Variants in RAMP1 observed in about 807,000 individuals in gnomAD.
RAMP1 encodes receptor activity-modifying protein 1.
RAMP1 carries 7 observed loss-of-function variants against 8.2 expected under a neutral mutation model. That is an observed-to-expected ratio of 0.85 (90% CI 0.49 to 1.60). The LOEUF (loss-of-function observed/expected upper bound fraction) is 1.60, where lower values mean the gene tolerates loss of function less well. Among genes scored for constraint, RAMP1 ranks in the 40% most tolerant of loss-of-function variants. The pLI is 0.00. For synonymous variants in RAMP1, 92 were observed against 84.7 expected, an observed-to-expected ratio of 1.09 and a Z score of -0.47; for missense variants, 192 against 202.4, an observed-to-expected ratio of 0.95 and a Z score of 0.31.
intron 1 of RAMP1, among the ~76,000 whole-genome samples, chr2:237,866,907 T>C (rs1212928961): frequency 6.6e-6 from 1 of 152,054 alleles, no homozygotes; most frequent in East Asian, 1.9e-4. Flanking sequence ...TTTTGTATTT[T>C]TGGTAGAGAC....
chr2:237,868,572 C>G (rs1019545122), intron 1 of RAMP1, among the ~76,000 whole-genome samples: 14 of 134,176 alleles, frequency 1.0e-4, no homozygotes, highest in Admixed American at 3.7e-4. Flanking sequence ...ATTCCCTCCC[C>G]CCACCAAAAA....
At chr2:237,893,279 C>T (rs1324942313) in intron 2 of RAMP1, among the ~76,000 whole-genome samples, 1 of 152,124 alleles carries the variant, frequency 6.6e-6, no homozygotes. Context: ...AAAATCTGAC[C>T]TCCTCCTTCC....
intron 2 of RAMP1, among the ~76,000 whole-genome samples, chr2:237,910,133 T>C (rs10206848): frequency 0.97 from 146,924 of 152,224 alleles, 70,939 homozygotes; most frequent in East Asian, 1. Context: ...GGGTCACACG[T>C]ACCCGGTCAC....
At chr2:237,902,670 A>G (rs11680171) in intron 2 of RAMP1, among the ~76,000 whole-genome samples, 56,007 of 151,816 alleles carry the variant, frequency 0.37, 10,699 homozygotes, top group South Asian at 0.5. Context: ...CGCCTCCCCC[A>G]TGAGCCGCTG....
chr2:237,895,406 C>T (rs1020015792), intron 2 of RAMP1, among the ~76,000 whole-genome samples: 23 of 152,128 alleles, frequency 1.5e-4, no homozygotes, highest in Admixed American at 1.3e-4. Flanking sequence ...ACCGAGGCTC[C>T]GTAACTGCCA....
chr2:237,877,464 G>GA lies in RAMP1; in HGVS notation c.191+103dup. On this transcript the variant is annotated intron_variant, in intron 2 of 2. Transcript: ENST00000254661. This position sits in a 1 kb window ranked among gnomAD's most constrained non-coding sequence, Gnocchi z 4.4. ...TGGGAGCTGTGGAAGATCCTTTCTA[G>GA]ACCCCGGAAGGGTTCTTCCCCCAGT... The GA allele has an allele frequency of 1.4e-6, 2 of 1,458,482 alleles. No individual in the cohort carries two copies. Among genetic ancestry groups the GA allele is most frequent in the Non-Finnish European group, 1.8e-6 (2 of 1,093,462 alleles). 90.3% of individuals were successfully genotyped at this position (1,458,482 alleles called of 1,614,324 possible).
intron 2 of RAMP1, among the ~76,000 whole-genome samples, chr2:237,900,320 C>A (rs2062584869): frequency 6.6e-6 from 1 of 152,134 alleles, no homozygotes; most frequent in Admixed American, 6.5e-5. Context: ...GCCACCATGC[C>A]TGGCTAATTT....
intron 1 of RAMP1, among the ~76,000 whole-genome samples, chr2:237,873,945 G>A (rs1043571949): frequency 5.3e-5 from 8 of 152,218 alleles, no homozygotes; most frequent in South Asian, 2.1e-4. Context: ...CCCATAGGGC[G>A]GGAAAGAAAG....
chr2:237,906,717 C>T (rs1399223280), intron 2 of RAMP1, among the ~76,000 whole-genome samples: 3 of 86,228 alleles, frequency 3.5e-5, no homozygotes, highest in Admixed American at 1.7e-4. Context: ...ATATCAACCT[C>T]TTTTTTTTTT....
chr2:237,908,410 C>CTGGTGGTGG (rs1553740387), intron 2 of RAMP1, among the ~76,000 whole-genome samples: 18 of 149,126 alleles, frequency 1.2e-4, no homozygotes, highest in Non-Finnish European at 2.2e-4. Context: ...GAAGAGACCT[C>CTGGTGGTGG]TGGTGGTGGT....
chr2:237,877,891 G>A lies in RAMP1; in HGVS notation c.191+529G>A. The A allele has an allele frequency of 1.1e-6, 1 of 934,582 alleles. No homozygotes were observed. Among genetic ancestry groups the A allele is most frequent in the Non-Finnish European group, 1.3e-6 (1 of 783,728 alleles). 57.9% of individuals were successfully genotyped at this position (934,582 alleles called of 1,614,324 possible). A position where few individuals can be genotyped will look rare whatever the true frequency, so the allele number is the denominator to read the frequency against. On this transcript the variant is annotated intron_variant, in intron 2 of 2. Transcript: ENST00000254661. This position sits in a 1 kb window ranked among gnomAD's most constrained non-coding sequence, Gnocchi z 4.4. ...CTTCCCCACCTGGCCCGATCCTCCT[G>A]CCCAAGGGCCCTTCTTCCCGCTTGA...
At chr2:237,895,401 G>T (rs1009997641) in intron 2 of RAMP1, among the ~76,000 whole-genome samples, 5 of 152,148 alleles carry the variant, frequency 3.3e-5, no homozygotes, top group Admixed American at 1.3e-4. Context: ...AAAACACCGA[G>T]GCTCCGTAAC....
Position 237,873,676 on chromosome 2 carries a change from A to C in RAMP1, c.53-3548A>C, listed in dbSNP as rs577108203. On this transcript the variant is annotated intron_variant, in intron 1 of 2. Transcript: ENST00000254661. ...CCTCTGCACGTGGCTTTTGAAAGAC[A>C]TGAGTTATGAATGATTACATTTGCA... is the stretch of plus-strand genomic sequence containing the variant. Among the ~76,000 whole-genome samples, 20 of 152,346 alleles carry C rather than the reference A, an allele frequency of 1.3e-4. No individual in the cohort carries two copies. In the South Asian group the frequency reaches 3.7e-3, roughly 28 times the overall value.
At chr2:237,894,900 G>A (rs144238688) in intron 2 of RAMP1, among the ~76,000 whole-genome samples, 1 of 152,202 alleles carries the variant, frequency 6.6e-6, no homozygotes, top group Non-Finnish European at 1.5e-5. Context: ...GGAGTGGCCT[G>A]TTCCTACTCC....
At chr2:237,911,392 A>G in intron 2 of RAMP1, 136 bp from the exon 3 acceptor site, 1 of 1,268,336 alleles carries the variant, frequency 7.9e-7, no homozygotes, top group Non-Finnish European at 1.1e-6. Flanking sequence ...ATCCAGGGCC[A>G]CTGCCTCGGC....
intron 2 of RAMP1, among the ~76,000 whole-genome samples, chr2:237,890,089 A>C (rs749974025): frequency 5.9e-5 from 9 of 152,232 alleles, no homozygotes; most frequent in Non-Finnish European, 1.2e-4. Flanking sequence ...GTGATGAATA[A>C]GGAAGCTCCG....
At chr2:237,872,872 T>G (rs924581944) in intron 1 of RAMP1, among the ~76,000 whole-genome samples, 2 of 152,122 alleles carry the variant, frequency 1.3e-5, no homozygotes, top group Non-Finnish European at 2.9e-5. Context: ...ATAGAAAAAT[T>G]AGCTGGGTGT....
Position 237,861,723 on chromosome 2 carries a change from C to T in RAMP1, c.52+1996C>T, listed in dbSNP as rs543649358. Among the ~76,000 whole-genome samples the T allele has an allele frequency of 1.5e-4, 23 of 152,154 alleles. No individual in the cohort carries two copies. The South Asian group carries it at 4.8e-3, about 32-fold the overall frequency. On this transcript the variant is annotated intron_variant, in intron 1 of 2. Transcript: ENST00000254661. Reference sequence around the variant, plus strand: ...AAAATTAGGCAGGCATGGTGGCAGGCACCTATAATCCCGGCTACTTGGGAG... The same window carrying T: ...AAAATTAGGCAGGCATGGTGGCAGGTACCTATAATCCCGGCTACTTGGGAG...
chr2:237,909,148 A>G (rs2062683029), intron 2 of RAMP1, among the ~76,000 whole-genome samples: 3 of 152,106 alleles, frequency 2.0e-5, no homozygotes, highest in Admixed American at 2.0e-4. Flanking sequence ...AGTGAGTGCA[A>G]CTTGGACCCA....
Sources: gnomAD v4.1 joint callset for allele counts (sites outside exome capture counted in the v4.1 genomes callset) on GRCh38, gnomAD v4.1.1 for gene constraint, Gnocchi (gnomAD v3.1) non-coding constraint, MANE v1.5 for transcripts, NCBI Gene and HGNC (gene_info 2026-07-23, HGNC 2026-07-21) for gene names.